CELSR1: variants seen among roughly 807,000 people sequenced by gnomAD.
CELSR1 encodes the protein adhesion G protein-coupled receptor C1.
Under a neutral mutation model 249.1 loss-of-function variants are expected in CELSR1, and 110 were observed. That is an observed-to-expected ratio of 0.44 (90% CI 0.38 to 0.52). CELSR1 has a LOEUF of 0.52. Among genes scored for constraint, CELSR1 ranks in the 20% least tolerant of loss-of-function variants. The pLI is 0.00. For missense variants in CELSR1, 4,109 were observed against 4,296.4 expected, an observed-to-expected ratio of 0.96 and a Z score of 1.22; for synonymous variants, 2,113 against 1,900.0, an observed-to-expected ratio of 1.11 and a Z score of -2.92.
intron 1 of CELSR1, chr22:46,530,188 A>G (rs2080777772): frequency 1.3e-5 from 2 of 152,256 alleles, no homozygotes; most frequent in African/African-American, 4.8e-5. Flanking sequence ...GTGGTGGTGC[A>G]ATGAGCTGAG....
chr22:46,453,859 C>T (rs1032376936), intron 2 of CELSR1, among the ~76,000 whole-genome samples: 1 of 152,116 alleles, frequency 6.6e-6, no homozygotes, highest in African/African-American at 2.4e-5. Context: ...AAATATTTAC[C>T]GGGTGTGAGT....
chr22:46,364,661 C>A lies in CELSR1; in HGVS notation c.8630G>T (p.Ser2877Ile), dbSNP rs768324793. Residue 2877 changes from serine to isoleucine, a missense_variant, in exon 33 of 35, where the codon AGC (serine) becomes ATC (isoleucine). Coordinates refer to ENST00000674500, the MANE Select transcript of CELSR1 (RefSeq NM_001378328.1). ...CTCCACCTTCAGGCGGGGCTTGCCG[C>A]TGGGGTCCTCACTGTCACTCTCAGC... is the stretch of plus-strand genomic sequence containing the variant. ...SLAESDSEDP[S>I]GKPRLKVETK... is the part of the protein sequence containing the mutation. 1.6e-5 allele frequency: 26 copies of A among 1,612,572 alleles called. No homozygotes were observed. In the Admixed American group the frequency reaches 4.3e-4, roughly 27 times the overall value.
Position 46,433,559 on chromosome 22 carries a change from G to A in CELSR1, c.4523-78C>T, listed in dbSNP as rs2079621984. The A allele has an allele frequency of 4.5e-6, 5 of 1,114,720 alleles. No individual in the cohort carries two copies. Among genetic ancestry groups the A allele is most frequent in the East Asian group, 2.6e-5 (1 of 38,872 alleles). The allele number at this position is 1,114,720 out of a possible 1,614,324, so 69.1% of individuals were successfully genotyped here. A position where few individuals can be genotyped will look rare whatever the true frequency, so the allele number is the denominator to read the frequency against. On this transcript the variant is annotated intron_variant, in intron 4 of 34. Coordinates refer to ENST00000674500, the MANE Select transcript of CELSR1 (RefSeq NM_001378328.1). The surrounding 1 kb of genome is among the most constrained non-coding windows in gnomAD (Gnocchi z 5.7). ...TGGGGACCGAGGATTGCGCTGTGAGGCATCAGGGGGAGACAGGTGCACATG... is the reference window on the plus strand; with the variant it reads ...TGGGGACCGAGGATTGCGCTGTGAGACATCAGGGGGAGACAGGTGCACATG...
At position 46,433,653 on chromosome 22, in the gene CELSR1, T is replaced by C. The variant is rs1258688620; in HGVS notation, c.4523-172A>G. On this transcript the variant is annotated intron_variant, in intron 4 of 34. Transcript: ENST00000674500. The surrounding 1 kb of genome is among the most constrained non-coding windows in gnomAD (Gnocchi z 5.7). ...GCCCACCACTCCATCCATTTTCTTT[T>C]CTGGTTACAAAAGTAATTCTTGTTC... is the stretch of plus-strand genomic sequence containing the variant. Among the ~76,000 whole-genome samples the C allele has an allele frequency of 6.6e-6, 1 of 152,208 alleles. No individual in the cohort carries two copies. Among genetic ancestry groups the C allele is most frequent in the Admixed American group, 6.5e-5 (1 of 15,282 alleles).
At chr22:46,452,096 T>C (rs545026244) in intron 2 of CELSR1, among the ~76,000 whole-genome samples, 4 of 152,228 alleles carry the variant, frequency 2.6e-5, no homozygotes, top group Admixed American at 1.3e-4. Flanking sequence ...GCTGCAGAAC[T>C]GAGGGAAGGC....
At position 46,391,387 on chromosome 22, in the gene CELSR1, G is replaced by T; in HGVS notation, c.6149-100C>A. ...CATGCGCCTCCCTGCAGGAGGCCCT[G>T]CTCCCACCAAGAACCGAACCCTAGC... On this transcript the variant is annotated intron_variant, in intron 15 of 34. Transcript: ENST00000674500. The surrounding 1 kb of genome is among the most constrained non-coding windows in gnomAD (Gnocchi z 4.3). The T allele has an allele frequency of 9.0e-7, 1 of 1,109,334 alleles. No individual in the cohort carries two copies. Among genetic ancestry groups the T allele is most frequent in the Non-Finnish European group, 1.3e-6 (1 of 772,510 alleles). 68.7% of individuals were successfully genotyped at this position (1,109,334 alleles called of 1,614,324 possible).
chr22:46,390,186 C>T lies in CELSR1; in HGVS notation c.6345+206G>A, dbSNP rs953448998. Among the ~76,000 whole-genome samples, 1 of 152,202 alleles carries T rather than the reference C, an allele frequency of 6.6e-6. No homozygotes were observed. The highest frequency in any genetic ancestry group is 6.5e-5 in the Admixed American group (1 of 15,276). On this transcript the variant is annotated intron_variant, in intron 17 of 34. Transcript: ENST00000674500. The surrounding 1 kb of genome is among the most constrained non-coding windows in gnomAD (Gnocchi z 6.3). Reference sequence around the variant, plus strand: ...GGGTCCTCTGGGGGAGAGAAGTCCACGTGGGGGTGCCTGGCTCAGGTGCCA... The same window carrying T: ...GGGTCCTCTGGGGGAGAGAAGTCCATGTGGGGGTGCCTGGCTCAGGTGCCA...
chr22:46,476,799 T>C lies in CELSR1; in HGVS notation c.3545-12454A>G, dbSNP rs138060692. 1.0e-3 allele frequency among the ~76,000 whole-genome samples: 154 copies of C among 152,106 alleles called. 1 individual carries two copies. The highest frequency in any genetic ancestry group is 3.5e-3 in the African/African-American group (145 of 41,502). On this transcript the variant is annotated intron_variant, in intron 1 of 34. Transcript: ENST00000674500. The stretch of plus-strand genomic sequence containing the variant: ...AAGAGGGACCAGAAGTGATTAAGCT[T>C]ACTGGGTATGGGGCTTTCTCAGGTG...
In CELSR1 at chr22:46,440,488, C is replaced by T. The variant is rs9627457; in HGVS notation, c.4184-1077G>A. Among the ~76,000 whole-genome samples the T allele has an allele frequency of 0.027, 4,082 of 152,288 alleles. 185 individuals are homozygous for T. The highest frequency in any genetic ancestry group is 0.094 in the African/African-American group (3,892 of 41,552). On this transcript the variant is annotated intron_variant, in intron 2 of 34. Transcript: ENST00000674500. This position sits in a 1 kb window ranked among gnomAD's most constrained non-coding sequence, Gnocchi z 4.7. The stretch of plus-strand genomic sequence containing the variant: ...TGCTGGGATTACAGGCGTGAGCCAC[C>T]GCGCCCGGCCAGTATGATCAATCTT...
intron 5 of CELSR1, among the ~76,000 whole-genome samples, chr22:46,414,233 G>A (rs1195352783): frequency 6.6e-6 from 1 of 152,186 alleles, no homozygotes; most frequent in South Asian, 2.1e-4. Flanking sequence ...GATAGACAGC[G>A]CCCAGGATGT....
intron 2 of CELSR1, among the ~76,000 whole-genome samples, chr22:46,443,560 ACACACACACCTG>A (rs1394240835): frequency 6.6e-6 from 1 of 152,238 alleles, no homozygotes; most frequent in Non-Finnish European, 1.5e-5. Flanking sequence ...GGCCATGTGC[ACACACACACCTG>A]CACACACATT....
At chr22:46,415,028 T>C (rs977868264) in intron 5 of CELSR1, among the ~76,000 whole-genome samples, 17 of 152,060 alleles carry the variant, frequency 1.1e-4, no homozygotes, top group Admixed American at 6.5e-5. Context: ...CGAAAGGCCA[T>C]GCACCGCGTG....
Position 46,438,201 on chromosome 22 carries a change from G to A in CELSR1, c.4406+988C>T, listed in dbSNP as rs191249963. Among the ~76,000 whole-genome samples the A allele has an allele frequency of 2.2e-4, 33 of 152,342 alleles. No individual in the cohort carries two copies. In the East Asian group the frequency reaches 5.2e-3, roughly 24 times the overall value. ...AAACCAAGGCCCAGAGAAGGGGGCC[G>A]GGGAAGGAGAAGGAAAGAACAAAGA... On this transcript the variant is annotated intron_variant, in intron 3 of 34. Coordinates refer to ENST00000674500, the MANE Select transcript of CELSR1 (RefSeq NM_001378328.1).
chr22:46,533,512 T>C (rs1158717176), intron 1 of CELSR1, 115 bp downstream of exon 1: 3 of 1,421,968 alleles, frequency 2.1e-6, no homozygotes, highest in Non-Finnish European at 2.8e-6. Flanking sequence ...CTTGCAGAGT[T>C]GCCCGGGCCC....
intron 14 of CELSR1, 126 bp downstream of exon 14, chr22:46,394,016 C>G (rs1362577433): frequency 2.4e-6 from 3 of 1,268,758 alleles, no homozygotes; most frequent in Non-Finnish European, 3.3e-6. Flanking sequence ...TGAGTGGGCA[C>G]AGGTGTGTGT....
chr22:46,479,447 C>T (rs563802712), intron 1 of CELSR1, among the ~76,000 whole-genome samples: 1 of 152,100 alleles, frequency 6.6e-6, no homozygotes, highest in African/African-American at 2.4e-5. Flanking sequence ...CAAGCAGATG[C>T]CTCGTCTTTG....
chr22:46,466,748 T>C (rs992411954), intron 1 of CELSR1, among the ~76,000 whole-genome samples: 6 of 152,320 alleles, frequency 3.9e-5, no homozygotes, highest in South Asian at 4.1e-4. Context: ...GCATATAAGA[T>C]ATTAATGTGT....
At chr22:46,451,563 C>G (rs1471937954) in intron 2 of CELSR1, among the ~76,000 whole-genome samples, 1 of 152,150 alleles carries the variant, frequency 6.6e-6, no homozygotes, top group Admixed American at 6.5e-5. Context: ...TGCAGCAGCT[C>G]CAAGCCAAAG....
rs1351079830 is a variant in CELSR1 at position 46,428,387 on chromosome 22, T to C, written c.4611+5006A>G. On this transcript the variant is annotated intron_variant, in intron 5 of 34. Coordinates refer to ENST00000674500, the MANE Select transcript of CELSR1 (RefSeq NM_001378328.1). This position sits in a 1 kb window ranked among gnomAD's most constrained non-coding sequence, Gnocchi z 5.7. ...GCATCGTCCCCGGCCAGGTGACGGA[T>C]GCCGAGTGCCCCTTGGAGACCACCT... is the stretch of plus-strand genomic sequence containing the variant. Among the ~76,000 whole-genome samples the C allele has an allele frequency of 6.6e-6, 1 of 152,200 alleles. No homozygotes were observed. The highest frequency in any genetic ancestry group is 1.5e-5 in the Non-Finnish European group (1 of 68,028).
Sources: allele counts gnomAD v4.1 joint callset (sites outside exome capture counted in the v4.1 genomes callset), GRCh38; gene constraint gnomAD v4.1.1; non-coding constraint Gnocchi (gnomAD v3.1); transcripts MANE v1.5; gene names NCBI Gene and HGNC (gene_info 2026-07-23, HGNC 2026-07-21).